PTPRN2: variants seen among roughly 807,000 people sequenced by gnomAD.
PTPRN2 encodes protein tyrosine phosphatase receptor type N2, also known as receptor-type tyrosine-protein phosphatase N2.
A neutral mutation model predicts 118.8 loss-of-function variants in PTPRN2; 74 were observed. The observed-to-expected ratio is 0.62, with a 90% CI of 0.52 to 0.76. The LOEUF (loss-of-function observed/expected upper bound fraction) is 0.76. Among genes scored for constraint, PTPRN2 ranks in the 30% least tolerant of loss-of-function variants. The probability of loss-of-function intolerance (pLI) is 0.00; values close to 1 mark genes in which losing one functional copy is unlikely to be tolerated. For missense variants in PTPRN2, 1,481 were observed against 1,394.4 expected, an observed-to-expected ratio of 1.06 and a Z score of -0.99; for synonymous variants, 641 against 608.0, an observed-to-expected ratio of 1.05 and a Z score of -0.80.
intron 11 of PTPRN2, among the ~76,000 whole-genome samples, chr7:157,914,990 A>G (rs1391712550): frequency 6.6e-6 from 1 of 152,188 alleles, no homozygotes. Context: ...TTTCATTAAA[A>G]TATATTTCTT....
chr7:157,841,327 T>C (rs1395236144), intron 12 of PTPRN2, among the ~76,000 whole-genome samples: 1 of 152,206 alleles, frequency 6.6e-6, no homozygotes, highest in East Asian at 1.9e-4. Flanking sequence ...GAGGACATTA[T>C]CTAAAGTGCA....
intron 11 of PTPRN2, among the ~76,000 whole-genome samples, chr7:158,068,873 T>C (rs1810990263): frequency 6.6e-6 from 1 of 152,226 alleles, no homozygotes; most frequent in Non-Finnish European, 1.5e-5. Flanking sequence ...AAGGTGTTGA[T>C]AGAGTGCAAA....
intron 19 of PTPRN2, chr7:157,574,390 T>C (rs775478941): frequency 1.9e-6 from 1 of 533,940 alleles, no homozygotes; most frequent in Non-Finnish European, 3.9e-6. Flanking sequence ...TATTACTAGC[T>C]GCAACATCAC....
chr7:158,204,183 G>A (rs1295155133), intron 4 of PTPRN2, among the ~76,000 whole-genome samples: 1 of 149,310 alleles, frequency 6.7e-6, no homozygotes, highest in African/African-American at 2.5e-5. Context: ...AGCAGCCGCC[G>A]CCCTCAGCGT....
chr7:158,074,806 A>T (rs796575720), intron 11 of PTPRN2, among the ~76,000 whole-genome samples: 4 of 152,362 alleles, frequency 2.6e-5, no homozygotes, highest in African/African-American at 9.6e-5. Flanking sequence ...TGCCAGCAGG[A>T]TCAGCATTGC....
intron 12 of PTPRN2, among the ~76,000 whole-genome samples, chr7:157,755,101 G>T (rs1801701705): frequency 6.6e-6 from 1 of 152,168 alleles, no homozygotes; most frequent in Admixed American, 6.5e-5. Flanking sequence ...GCCCAGGCTG[G>T]TCTCAAACTC....
At position 157,603,416 on chromosome 7, in the gene PTPRN2, C is replaced by G. The variant is rs1235404153; in HGVS notation, c.2418+586G>C. 6.6e-6 allele frequency among the ~76,000 whole-genome samples: 1 copy of G among 152,178 alleles called. No homozygotes were observed. Among genetic ancestry groups the G allele is most frequent in the Non-Finnish European group, 1.5e-5 (1 of 68,026 alleles). On this transcript the variant is annotated intron_variant, in intron 16 of 22. Transcript: ENST00000389418. This position sits in a 1 kb window ranked among gnomAD's most constrained non-coding sequence, Gnocchi z 5.4. ...ACAGGCCACAGGGACTCATAACTCA[C>G]GGCACAGGAGCTGCCACCACACTCG... is the stretch of plus-strand genomic sequence containing the variant.
At chr7:157,757,865 A>G (rs1421003492) in intron 12 of PTPRN2, among the ~76,000 whole-genome samples, 1 of 152,200 alleles carries the variant, frequency 6.6e-6, no homozygotes, top group Non-Finnish European at 1.5e-5. Context: ...CCGCGAATGA[A>G]CCAGGCTCCG....
intron 21 of PTPRN2, among the ~76,000 whole-genome samples, chr7:157,549,274 C>T (rs1336753563): frequency 6.6e-6 from 1 of 151,530 alleles, no homozygotes; most frequent in African/African-American, 2.4e-5. Flanking sequence ...AACAGCAGGC[C>T]GTCACCGTCA....
At chr7:157,942,467 T>C (rs571214227) in intron 11 of PTPRN2, among the ~76,000 whole-genome samples, 2 of 152,262 alleles carry the variant, frequency 1.3e-5, no homozygotes, top group African/African-American at 4.8e-5. Flanking sequence ...AGAATGTTTA[T>C]ATCTTTACAG....
In PTPRN2 at chr7:157,619,846, G is replaced by A. The variant is rs979353125; in HGVS notation, c.2344+1516C>T. ...GCGTGGGGGGCTGTGCTGCTGGTACGGGGACAGGCGGTGTCTCAGGGACAC... is the reference window on the plus strand; with the variant it reads ...GCGTGGGGGGCTGTGCTGCTGGTACAGGGACAGGCGGTGTCTCAGGGACAC... On this transcript the variant is annotated intron_variant, in intron 15 of 22. Transcript: ENST00000389418. The surrounding 1 kb of genome is among the most constrained non-coding windows in gnomAD (Gnocchi z 5.3). Among the ~76,000 whole-genome samples the A allele has an allele frequency of 1.3e-5, 2 of 152,224 alleles. No individual in the cohort carries two copies. The highest frequency in any genetic ancestry group is 6.5e-5 in the Admixed American group (1 of 15,284).
rs376859322 is a variant in PTPRN2 at position 158,131,137 on chromosome 7, CACAT to C, written c.1556+2536_1556+2539del. On this transcript the variant is annotated intron_variant, in intron 9 of 22. Transcript: ENST00000389418. ...AAACACACACTCATACGCACATACACACATACACACACAAATACCCGAAGATGCA... is the reference window on the plus strand; with the variant it reads ...AAACACACACTCATACGCACATACACACACACACAAATACCCGAAGATGCA... Among the ~76,000 whole-genome samples, 640 of 81,134 alleles carry C rather than the reference CACAT, an allele frequency of 7.9e-3. 13 individuals are homozygous for C. The East Asian group carries it at 0.13, about 16-fold the overall frequency. 53.2% of individuals were successfully genotyped at this position (81,134 alleles called of 152,430 possible). A position where few individuals can be genotyped will look rare whatever the true frequency, so the allele number is the denominator to read the frequency against.
At chr7:158,388,057 T>A (rs1317592342) in intron 2 of PTPRN2, among the ~76,000 whole-genome samples, 12 of 152,110 alleles carry the variant, frequency 7.9e-5, no homozygotes, top group Admixed American at 7.9e-4. Flanking sequence ...GAACCCCAGC[T>A]CCACAGCAGC....
intron 15 of PTPRN2, among the ~76,000 whole-genome samples, chr7:157,620,533 C>T (rs781654228): frequency 9.2e-5 from 14 of 152,194 alleles, no homozygotes; most frequent in Admixed American, 2.0e-4. Flanking sequence ...CTAATGACCT[C>T]GTCTAACCCT....
At chr7:158,327,075 ACATTCTCACATGCACT>A (rs1449784812) in intron 2 of PTPRN2, among the ~76,000 whole-genome samples, 1 of 151,602 alleles carries the variant, frequency 6.6e-6, no homozygotes, top group Non-Finnish European at 1.5e-5. Context: ...ATACATGCAC[ACATTCTCACATGCACT>A]CATTCTCACC....
At chr7:158,370,142 T>C (rs1019079506) in intron 2 of PTPRN2, among the ~76,000 whole-genome samples, 15 of 152,188 alleles carry the variant, frequency 9.9e-5, no homozygotes, top group African/African-American at 3.4e-4. Context: ...CAACTGCCTT[T>C]TAAAGGCTGG....
chr7:158,114,010 C>T (rs944553920), intron 9 of PTPRN2, among the ~76,000 whole-genome samples: 25 of 152,236 alleles, frequency 1.6e-4, no homozygotes, highest in African/African-American at 6.0e-4. Flanking sequence ...CAGGCCCATG[C>T]CTGTCCTGCC....
At chr7:157,661,408 C>T (rs1017926383) in intron 13 of PTPRN2, among the ~76,000 whole-genome samples, 1 of 152,268 alleles carries the variant, frequency 6.6e-6, no homozygotes, top group Non-Finnish European at 1.5e-5. Context: ...AGCAAGGCAA[C>T]GCGCGGCCGG....
intron 3 of PTPRN2, among the ~76,000 whole-genome samples, chr7:158,268,781 G>GCA (rs1563063842): frequency 1.1e-5 from 1 of 94,252 alleles, no homozygotes; most frequent in Non-Finnish European, 2.1e-5. Flanking sequence ...TATCCCAGCC[G>GCA]CACACACACA....
Sources: gnomAD v4.1 joint callset for allele counts (sites outside exome capture counted in the v4.1 genomes callset) on GRCh38, gnomAD v4.1.1 for gene constraint, Gnocchi (gnomAD v3.1) non-coding constraint, MANE v1.5 for transcripts, NCBI Gene and HGNC (gene_info 2026-07-23, HGNC 2026-07-21) for gene names.